The following C17orf75 variants were observed in gnomAD, a reference collection of about 807,000 sequenced individuals.
The protein encoded by C17orf75 is protein Njmu-R1.
Under a neutral mutation model 49.6 loss-of-function variants are expected in C17orf75, and 32 were observed. The ratio of observed to expected loss-of-function variants is 0.65; its 90% CI spans 0.49 to 0.87. The LOEUF is 0.87. C17orf75 is among the 40% of genes least tolerant of loss of function. C17orf75 has a pLI of 0.00. For missense variants in C17orf75, 428 were observed against 473.9 expected, an observed-to-expected ratio of 0.90 and a Z score of 0.90; for synonymous variants, 158 against 159.5, an observed-to-expected ratio of 0.99 and a Z score of 0.07.
At chr17:32,338,690 A>G (rs1288012140) in intron 3 of C17orf75, among the ~76,000 whole-genome samples, 14 of 152,172 alleles carry the variant, frequency 9.2e-5, no homozygotes, top group Admixed American at 9.2e-4. Context: ...TCACAAATTG[A>G]TGTTTAAGGC....
chr17:32,332,816 AT>A (rs879389425), intron 9 of C17orf75, among the ~76,000 whole-genome samples: 78 of 146,738 alleles, frequency 5.3e-4, no homozygotes, highest in Admixed American at 6.1e-4. Flanking sequence ...CCCCATCAGA[AT>A]TTTTTTTTTT....
At chr17:32,346,341 G>A (rs1002780814), upstream of C17orf75, among the ~76,000 whole-genome samples, 1 of 152,140 alleles carries the variant, frequency 6.6e-6, no homozygotes, top group East Asian at 1.9e-4. Context: ...GATCCATTGA[G>A]CCCAGGAGAT....
At chr17:32,341,972 G>C (rs2041385107) in intron 1 of C17orf75, 28 bp downstream of exon 1, 1 of 1,392,600 alleles carries the variant, frequency 7.2e-7, no homozygotes, top group African/African-American at 1.5e-5. Flanking sequence ...GGGCGGGCGG[G>C]CTGGCAGGCC....
rs1342813795 is a variant in C17orf75, at chr17:32,330,912, C to T, written c.*851G>A. 16 of 152,076 alleles carry T rather than the reference C, an allele frequency of 1.1e-4. No individual in the cohort carries two copies. Among genetic ancestry groups the T allele is most frequent in the African/African-American group, 3.9e-4 (16 of 41,494 alleles). 9.4% of individuals were successfully genotyped at this position (152,076 alleles called of 1,614,324 possible). ...TCGCCCAGGCTGGAGTGCAGTGGCG[C>T]GATCTCGGCTCACTGCAAGCTCCAC... On this transcript the variant is annotated 3_prime_UTR_variant, in exon 10 of 10. Transcript: ENST00000577809.
At chr17:32,349,507 G>C (rs763612400) in intron 1 of C17orf75, among the ~76,000 whole-genome samples, 1 of 152,118 alleles carries the variant, frequency 6.6e-6, no homozygotes, top group Non-Finnish European at 1.5e-5. Context: ...CTTGAACCCG[G>C]GAGACGGAGG....
chr17:32,342,119 C>T lies in C17orf75; in HGVS notation c.21G>A (p.Glu7=). 1 of 1,601,594 alleles carries T rather than the reference C, an allele frequency of 6.2e-7. No individual in the cohort carries two copies. Among genetic ancestry groups the T allele is most frequent in the South Asian group, 1.1e-5 (1 of 89,094 alleles). The change falls in exon 1 of 10, where the codon GAG becomes GAA. Residue 7 remains glutamate (E), a synonymous_variant. Coordinates refer to ENST00000577809, the MANE Select transcript of C17orf75 (RefSeq NM_022344.4). ...GTTCCTTTTCATCTCCATCCATCGA[C>T]TCCTGCAAAGAGGGGAGCATTGCGG... MLPSLQ[E]SMDGDEKELE... is the part of the protein sequence containing the mutation.
intron 1 of C17orf75, among the ~76,000 whole-genome samples, chr17:32,349,109 G>A (rs2041456618): frequency 6.6e-6 from 1 of 151,390 alleles, no homozygotes; most frequent in African/African-American, 2.4e-5. Flanking sequence ...CAAGTGATCC[G>A]CCTGCCTCGG....
intron 7 of C17orf75, 54 bp from the exon 8 acceptor site, chr17:32,334,659 A>G: frequency 6.3e-7 from 1 of 1,597,682 alleles, no homozygotes; most frequent in Non-Finnish European, 8.5e-7. Flanking sequence ...CGGAAGGATG[A>G]AAACAAATTT....
At chr17:32,345,781 C>A (rs928392455), upstream of C17orf75, among the ~76,000 whole-genome samples, 1 of 151,986 alleles carries the variant, frequency 6.6e-6, no homozygotes, top group Non-Finnish European at 1.5e-5. Context: ...CTCCTGACCT[C>A]GTGATCTGCC....
At chr17:32,342,211 G>A, upstream of C17orf75, 1 of 1,415,664 alleles carries the variant, frequency 7.1e-7, no homozygotes, top group South Asian at 1.4e-5. Context: ...GTCGGTATCA[G>A]GGCTCGTCCG....
Position 32,341,185 on chromosome 17 carries a change from A to G in C17orf75, c.221+19T>C. 1 of 1,612,568 alleles carries G rather than the reference A, an allele frequency of 6.2e-7. No homozygotes were observed. Among genetic ancestry groups the G allele is most frequent in the South Asian group, 1.1e-5 (1 of 91,062 alleles). On this transcript the variant is annotated intron_variant, in intron 2 of 9. Coordinates refer to ENST00000577809, the MANE Select transcript of C17orf75 (RefSeq NM_022344.4). ...GAAGATGAAAGCACATGCATGAATT[A>G]TGCTGAAGCTCTTTTTACCTGAAAT... is the stretch of plus-strand genomic sequence containing the variant.
upstream of C17orf75, chr17:32,342,324 G>A (rs1296518862): frequency 7.1e-6 from 7 of 984,602 alleles, no homozygotes; most frequent in East Asian, 1.3e-4. Context: ...GCTGACAGGC[G>A]TACTGAGTTC....
intron 2 of C17orf75, chr17:32,340,955 GA>G (rs2041373932): frequency 2.0e-6 from 1 of 488,370 alleles, no homozygotes; most frequent in Non-Finnish European, 3.7e-6. Flanking sequence ...AATTTAAAAG[GA>G]AAAAGAAAAA....
At chr17:32,332,033 A>C in intron 9 of C17orf75, 55 bp from the exon 10 acceptor site, 2 of 1,404,674 alleles carry the variant, frequency 1.4e-6, no homozygotes, top group Non-Finnish European at 2.0e-6. Context: ...AATGAAGCTC[A>C]AAAAATAACT....
Position 32,329,479 on chromosome 17 carries a change from C to G in C17orf75, c.*2284G>C, listed in dbSNP as rs1237067867. 1 of 148,902 alleles carries G rather than the reference C, an allele frequency of 6.7e-6. No homozygotes were observed. Among genetic ancestry groups the G allele is most frequent in the East Asian group, 2.0e-4 (1 of 5,090 alleles). The allele number at this position is 148,902 out of a possible 1,614,324, so 9.2% of individuals were successfully genotyped here. A position where few individuals can be genotyped will look rare whatever the true frequency, so the allele number is the denominator to read the frequency against. ...AAGAGTTTAAGACCAGTCTGAGCAA[C>G]ATAGTGAGACCCCATTTCATTAAAA... On this transcript the variant is annotated 3_prime_UTR_variant, in exon 10 of 10. Transcript: ENST00000577809.
At chr17:32,336,751 C>T (rs1170555036) in intron 5 of C17orf75, among the ~76,000 whole-genome samples, 1 of 152,194 alleles carries the variant, frequency 6.6e-6, no homozygotes. Flanking sequence ...CATGTTACTA[C>T]ATGCCATTGA....
At chr17:32,334,444 G>A in intron 8 of C17orf75, 25 bp downstream of exon 8, 1 of 1,604,480 alleles carries the variant, frequency 6.2e-7, no homozygotes, top group Non-Finnish European at 8.5e-7. Context: ...GATGTAGGAA[G>A]GCTGCTTCAG....
At chr17:32,341,900 C>G (rs748731754) in intron 1 of C17orf75, 100 bp downstream of exon 1, 23 of 1,104,908 alleles carry the variant, frequency 2.1e-5, no homozygotes, top group Non-Finnish European at 2.4e-5. Flanking sequence ...TTAGGAGCGG[C>G]CGGGCCGCTG....
intron 9 of C17orf75, among the ~76,000 whole-genome samples, chr17:32,332,836 G>T (rs1219235992): frequency 6.6e-6 from 1 of 151,874 alleles, no homozygotes; most frequent in Admixed American, 6.6e-5. Context: ...TTTAGACAGA[G>T]TCTCACTCTG....
Sources: gnomAD v4.1 joint callset for allele counts (sites outside exome capture counted in the v4.1 genomes callset) on GRCh38, gnomAD v4.1.1 for gene constraint, MANE v1.5 for transcripts, NCBI Gene and HGNC (gene_info 2026-07-23, HGNC 2026-07-21) for gene names.